Variants in GPC5 observed in about 807,000 individuals in gnomAD.
The protein encoded by GPC5 is glypican-5.
GPC5 carries 47 observed loss-of-function variants against 53.9 expected under a neutral mutation model. The ratio of observed to expected loss-of-function variants is 0.87; its 90% confidence interval spans 0.69 to 1.11. The LOEUF (loss-of-function observed/expected upper bound fraction) is 1.11. GPC5 is among the 50% of genes most tolerant of loss of function. The probability of loss-of-function intolerance (pLI) is 0.00; values close to 1 mark genes in which losing one functional copy is unlikely to be tolerated. For synonymous variants in GPC5, 286 were observed against 263.3 expected (o/e 1.09, Z -0.84); for missense variants, 748 against 713.1 (o/e 1.05, Z -0.56).
chr13:91,498,148 C>A (rs1440415279), intron 2 of GPC5, among the ~76,000 whole-genome samples: 2 of 151,502 alleles, frequency 1.3e-5, no homozygotes, highest in Non-Finnish European at 1.5e-5. Context: ...CCCGCCGCCA[C>A]ACACACACGC....
chr13:92,864,215 C>CT (rs1170542470), intron 7 of GPC5, among the ~76,000 whole-genome samples: 1 of 152,112 alleles, frequency 6.6e-6, no homozygotes, highest in Admixed American at 6.6e-5. Context: ...ATCTTGAATT[C>CT]TTTTCACATA....
chr13:91,564,994 G>GA (rs1555324943), intron 2 of GPC5, among the ~76,000 whole-genome samples: 1 of 2,356 alleles, frequency 4.2e-4, no homozygotes, highest in African/African-American at 7.3e-4. Context: ...GCTTTTTTTT[G>GA]GGGGGGGGTC....
At chr13:92,768,452 T>C (rs577704137) in intron 7 of GPC5, among the ~76,000 whole-genome samples, 36 of 152,194 alleles carry the variant, frequency 2.4e-4, no homozygotes, top group Non-Finnish European at 3.7e-4. Context: ...CTGTGCTCCT[T>C]TGAAATTCTT....
At chr13:91,967,710 T>A (rs139933757) in intron 6 of GPC5, among the ~76,000 whole-genome samples, 2,947 of 152,136 alleles carry the variant, frequency 0.019, 89 homozygotes, top group African/African-American at 0.067. Flanking sequence ...TATATTATTG[T>A]TAATTTTGTA....
intron 7 of GPC5, chr13:92,447,855 A>T (rs1313408468): frequency 6.6e-6 from 1 of 152,172 alleles, no homozygotes; most frequent in African/African-American, 2.4e-5. Context: ...ATGTATTCAA[A>T]TGAAGCTAAT....
chr13:91,823,532 G>A (rs2038528801), intron 5 of GPC5, among the ~76,000 whole-genome samples: 1 of 152,062 alleles, frequency 6.6e-6, no homozygotes, highest in Admixed American at 6.6e-5. Context: ...CTTCACCTTA[G>A]ATGTTTGAAG....
chr13:92,844,359 C>T (rs1366129790), intron 7 of GPC5, among the ~76,000 whole-genome samples: 1 of 152,070 alleles, frequency 6.6e-6, no homozygotes, highest in Admixed American at 6.6e-5. Flanking sequence ...ATTTCACTCA[C>T]CTCATAAAAC....
chr13:91,908,159 A>G, intron 6 of GPC5, 102 bp downstream of exon 6: 4 of 958,064 alleles, frequency 4.2e-6, no homozygotes, highest in Non-Finnish European at 5.9e-6. Context: ...AGATAATCCT[A>G]CCTAAAATAT....
chr13:92,336,672 G>A (rs966415067), intron 7 of GPC5, among the ~76,000 whole-genome samples: 2 of 152,062 alleles, frequency 1.3e-5, no homozygotes, highest in Non-Finnish European at 2.9e-5. Flanking sequence ...TTGTTTTCAA[G>A]GAAACCATAA....
At chr13:92,107,471 C>A (rs567052735) in intron 6 of GPC5, among the ~76,000 whole-genome samples, 2 of 152,166 alleles carry the variant, frequency 1.3e-5, no homozygotes, top group East Asian at 3.9e-4. Context: ...ACCCTGCAGA[C>A]TTACTTCCAG....
At chr13:92,640,846 A>G (rs1885572193) in intron 7 of GPC5, among the ~76,000 whole-genome samples, 1 of 152,150 alleles carries the variant, frequency 6.6e-6, no homozygotes, top group Non-Finnish European at 1.5e-5. Context: ...TAAATGAAGT[A>G]GGAAATTATT....
intron 7 of GPC5, among the ~76,000 whole-genome samples, chr13:92,474,725 T>G (rs1449096566): frequency 1.3e-5 from 2 of 152,004 alleles, no homozygotes; most frequent in African/African-American, 4.8e-5. Context: ...TTCTGTAAAA[T>G]TGAGTTACTT....
intron 2 of GPC5, among the ~76,000 whole-genome samples, chr13:91,506,488 T>C (rs1884951334): frequency 6.6e-6 from 1 of 152,102 alleles, no homozygotes; most frequent in Non-Finnish European, 1.5e-5. Flanking sequence ...CTATTAATGG[T>C]ATACTGCCAG....
At chr13:92,781,281 T>C (rs1310771266) in intron 7 of GPC5, among the ~76,000 whole-genome samples, 1 of 152,108 alleles carries the variant, frequency 6.6e-6, no homozygotes, top group Non-Finnish European at 1.5e-5. Context: ...TTCATTCCAC[T>C]TGTAAAATTT....
At chr13:92,582,690 C>G (rs1341267014) in intron 7 of GPC5, among the ~76,000 whole-genome samples, 1 of 152,020 alleles carries the variant, frequency 6.6e-6, no homozygotes, top group African/African-American at 2.4e-5. Context: ...ATGTTTTGTA[C>G]TTTTCAGTGT....
rs1236880158 is a variant in GPC5 at position 92,358,260 on chromosome 13, T to A, written c.1561+213271T>A. Among the ~76,000 whole-genome samples, 2 of 151,698 alleles carry A rather than the reference T, an allele frequency of 1.3e-5. 1 individual carries two copies. Among genetic ancestry groups the A allele is most frequent in the African/African-American group, 4.9e-5 (2 of 40,986 alleles). On this transcript the variant is annotated intron_variant, in intron 7 of 7. Transcript: ENST00000377067. ...ATCTTTATTGATTCCATGTCTCACA[T>A]CTAGTCCACATTGATACAAGGGGTG...
At chr13:91,624,956 A>T (rs1427736094) in intron 2 of GPC5, among the ~76,000 whole-genome samples, 1 of 151,970 alleles carries the variant, frequency 6.6e-6, no homozygotes, top group Non-Finnish European at 1.5e-5. Flanking sequence ...TTTTAAAAAA[A>T]ATTAGAAGAA....
At chr13:91,558,667 T>A (rs971060123) in intron 2 of GPC5, among the ~76,000 whole-genome samples, 2 of 152,102 alleles carry the variant, frequency 1.3e-5, no homozygotes, top group Non-Finnish European at 2.9e-5. Context: ...CTAAAGAGTT[T>A]CTTTGGCAAT....
At chr13:91,933,873 T>C (rs2039845378) in intron 6 of GPC5, among the ~76,000 whole-genome samples, 1 of 151,950 alleles carries the variant, frequency 6.6e-6, no homozygotes, top group East Asian at 1.9e-4. Flanking sequence ...TAATTTAAAC[T>C]TGATCAATTT....
Sources: gnomAD v4.1 joint callset for allele counts (sites outside exome capture counted in the v4.1 genomes callset) on GRCh38, gnomAD v4.1.1 for gene constraint, MANE v1.5 for transcripts, NCBI Gene and HGNC (gene_info 2026-07-23, HGNC 2026-07-21) for gene names.